The following NPRL3 variants were observed in gnomAD, a reference collection of about 807,000 sequenced individuals.
NPRL3 encodes the protein GATOR1 complex protein NPRL3.
Under a neutral mutation model 57.2 loss-of-function variants are expected in NPRL3, and 23 were observed. The observed-to-expected ratio is 0.40, with a 90% CI of 0.29 to 0.57. The LOEUF (loss-of-function observed/expected upper bound fraction) is 0.57. Ranked by LOEUF, NPRL3 falls within the 20% of genes least tolerant of loss-of-function variation. The pLI is 0.42. For missense variants in NPRL3, 691 were observed against 767.1 expected (o/e 0.90, Z 1.17); for synonymous variants, 333 against 321.1 (o/e 1.04, Z -0.39).
intron 2 of NPRL3, among the ~76,000 whole-genome samples, chr16:136,473 A>T (rs1054119128): frequency 1.3e-5 from 2 of 152,010 alleles, no homozygotes; most frequent in African/African-American, 2.4e-5. Flanking sequence ...GCGGATCACA[A>T]GGTCAGGAGT....
intron 9 of NPRL3, among the ~76,000 whole-genome samples, chr16:95,600 G>C (rs530664959): frequency 5.9e-5 from 9 of 152,054 alleles, no homozygotes; most frequent in African/African-American, 2.2e-4. Context: ...TTGAGACTGG[G>C]TCTTGCTCTG....
intron 9 of NPRL3, among the ~76,000 whole-genome samples, chr16:96,648 CAAAAAAAA>C (rs68086908): frequency 2.0e-5 from 2 of 100,280 alleles, no homozygotes; most frequent in African/African-American, 4.4e-5. Flanking sequence ...CCGTCTCTAC[CAAAAAAAA>C]AAAAAAAAAA....
At chr16:94,883 G>A (rs1014917383) in intron 9 of NPRL3, among the ~76,000 whole-genome samples, 2 of 152,116 alleles carry the variant, frequency 1.3e-5, no homozygotes, top group Non-Finnish European at 2.9e-5. Context: ...CCCTGCAGCA[G>A]CCTCTCCAAG....
chr16:130,504 T>C lies in NPRL3; in HGVS notation c.188+18A>G, dbSNP rs2141981133. The C allele has an allele frequency of 1.3e-6, 2 of 1,548,248 alleles. No individual in the cohort carries two copies. Among genetic ancestry groups the C allele is most frequent in the East Asian group, 2.4e-5 (1 of 40,958 alleles). ...GACCAGGACACGCCCCGCCCTGAAG[T>C]GGCCGCAGAGCCTTTACCTGGAATC... On this transcript the variant is annotated intron_variant, in intron 3 of 13. Transcript: ENST00000611875.
intron 12 of NPRL3, 100 bp from the exon 13 acceptor site, chr16:88,990 C>T: frequency 9.3e-7 from 1 of 1,079,838 alleles, no homozygotes; most frequent in Non-Finnish European, 1.4e-6. Flanking sequence ...ACACCCCTAA[C>T]TCCTACAAGG....
At chr16:121,868 G>C (rs946254136) in intron 3 of NPRL3, among the ~76,000 whole-genome samples, 1 of 151,764 alleles carries the variant, frequency 6.6e-6, no homozygotes, top group Non-Finnish European at 1.5e-5. Context: ...TCCGCCTCCC[G>C]AGTTCAAGCA....
At chr16:126,192 G>T (rs969041760) in intron 3 of NPRL3, 1 of 151,646 alleles carries the variant, frequency 6.6e-6, no homozygotes, top group Non-Finnish European at 1.5e-5. Context: ...TGAGGTCAGG[G>T]TTCTCCATGT....
Position 86,227 on chromosome 16 carries a change from C to G in NPRL3, c.*478G>C, listed in dbSNP as rs1161851036. On this transcript the variant is annotated 3_prime_UTR_variant, in exon 14 of 14. Coordinates refer to ENST00000611875, the MANE Select transcript of NPRL3 (RefSeq NM_001077350.3). The stretch of plus-strand genomic sequence containing the variant: ...AAGAAGCGCATGGCAGACAGAGGTG[C>G]TGGGGAGGGGGCCACAGGGCACTTC... 2 of 182,706 alleles carry G rather than the reference C, an allele frequency of 1.1e-5. No homozygotes were observed. The highest frequency in any genetic ancestry group is 2.3e-5 in the Non-Finnish European group (2 of 87,738). 11.3% of individuals were successfully genotyped at this position (182,706 alleles called of 1,614,324 possible).
intron 4 of NPRL3, 61 bp downstream of exon 4, chr16:119,065 C>A: frequency 2.7e-6 from 4 of 1,492,184 alleles, no homozygotes; most frequent in Non-Finnish European, 2.7e-6. Context: ...GAGAGCCACA[C>A]CTGCCCAAGG....
chr16:111,873 T>C (rs980618676), intron 6 of NPRL3, among the ~76,000 whole-genome samples: 2 of 152,234 alleles, frequency 1.3e-5, no homozygotes, highest in African/African-American at 4.8e-5. Context: ...TTTAGTTTTG[T>C]TCCTAATTCT....
chr16:132,960 C>T (rs937033308), intron 2 of NPRL3, among the ~76,000 whole-genome samples: 2 of 151,922 alleles, frequency 1.3e-5, no homozygotes, highest in African/African-American at 4.8e-5. Context: ...TGAGCCACCG[C>T]ACCCGGCCCA....
intron 2 of NPRL3, among the ~76,000 whole-genome samples, chr16:134,684 A>AATTATTATTATTATTATT (rs201304972): frequency 8.4e-6 from 1 of 118,678 alleles, no homozygotes; most frequent in African/African-American, 3.2e-5. Flanking sequence ...AAGTCACAGT[A>AATTATTATTATTATTATT]ATTATTATTA....
At chr16:117,455 G>A (rs1362060082) in intron 4 of NPRL3, 80 bp from the exon 5 acceptor site, 2 of 969,606 alleles carry the variant, frequency 2.1e-6, no homozygotes, top group South Asian at 1.5e-5. Context: ...TTCAGGCATG[G>A]CAAAAGTCCC....
At chr16:119,755 G>T (rs956692949) in intron 3 of NPRL3, among the ~76,000 whole-genome samples, 1 of 152,256 alleles carries the variant, frequency 6.6e-6, no homozygotes, top group Non-Finnish European at 1.5e-5. Context: ...TGCGTGCAGA[G>T]CGCTGACTTC....
intron 5 of NPRL3, among the ~76,000 whole-genome samples, chr16:115,210 A>C (rs753165058): frequency 1.3e-5 from 2 of 152,004 alleles, no homozygotes; most frequent in Non-Finnish European, 2.9e-5. Context: ...CCTGGGCTCA[A>C]GTGATCCACC....
chr16:126,775 G>C (rs181844993), intron 3 of NPRL3, among the ~76,000 whole-genome samples: 5 of 152,320 alleles, frequency 3.3e-5, no homozygotes, highest in Admixed American at 1.3e-4. Context: ...TCAAGTCTTA[G>C]AGACACTGGA....
At chr16:108,686 T>TTATTA (rs1899642104) in intron 7 of NPRL3, among the ~76,000 whole-genome samples, 3 of 61,372 alleles carry the variant, frequency 4.9e-5, no homozygotes, top group Non-Finnish European at 1.0e-4. Context: ...TATTATTATT[T>TTATTA]TTGAGATGAC....
intron 7 of NPRL3, among the ~76,000 whole-genome samples, chr16:101,280 G>A (rs1448037100): frequency 1.3e-5 from 2 of 152,170 alleles, no homozygotes; most frequent in Non-Finnish European, 2.9e-5. Flanking sequence ...GGGCAGGGAA[G>A]GAATGCCAAG....
intron 9 of NPRL3, among the ~76,000 whole-genome samples, chr16:97,845 G>T (rs1192477720): frequency 6.6e-6 from 1 of 152,020 alleles, no homozygotes; most frequent in Non-Finnish European, 1.5e-5. Context: ...CCCTAGCTCT[G>T]GTGCCTCAAC....
Sources: allele counts gnomAD v4.1 joint callset (sites outside exome capture counted in the v4.1 genomes callset), GRCh38; gene constraint gnomAD v4.1.1; transcripts MANE v1.5; gene names NCBI Gene and HGNC (gene_info 2026-07-23, HGNC 2026-07-21).